TNFRSF10B: variants seen among roughly 807,000 people sequenced by gnomAD.
TNFRSF10B encodes the protein TNF receptor superfamily member 10b.
A neutral mutation model predicts 41.4 loss-of-function variants in TNFRSF10B; 35 were observed. The observed-to-expected ratio is 0.85, with a 90% CI of 0.65 to 1.12. TNFRSF10B has a LOEUF of 1.12. TNFRSF10B is among the 50% of genes most tolerant of loss of function. The probability of loss-of-function intolerance (pLI) is 0.00; values close to 1 mark genes in which losing one functional copy is unlikely to be tolerated. For synonymous variants in TNFRSF10B, 230 were observed against 215.5 expected (o/e 1.07, Z -0.59); for missense variants, 584 against 552.7 (o/e 1.06, Z -0.57).
chr8:23,030,473 C>T (rs1192462644), intron 3 of TNFRSF10B, among the ~76,000 whole-genome samples: 3 of 151,840 alleles, frequency 2.0e-5, no homozygotes, highest in Admixed American at 1.3e-4. Flanking sequence ...CCACCATGCC[C>T]GGCTAATGTT....
At position 23,068,867 on chromosome 8, in the gene TNFRSF10B, C is replaced by T. The variant is rs1372104009; in HGVS notation, c.28G>A (p.Ala10Thr). MEQRGQNAP[A>T]ASGARKRHGP... is the part of the protein sequence containing the mutation. ...TGCCTTTTCCGGGCCCCCGAAGCGG[C>T]CGGGGCGTTCTGTCCCCGTTGTTCC... The change falls in exon 1 of 9, where the codon GCC becomes ACC. Residue 10 changes from alanine to threonine, a missense_variant. Ala to Thr is a moderately conservative substitution (Grantham distance 58). Coordinates refer to ENST00000276431, the MANE Select transcript of TNFRSF10B (RefSeq NM_003842.5). The T allele has an allele frequency of 1.2e-6, 2 of 1,613,486 alleles. No homozygotes were observed. Among genetic ancestry groups the T allele is most frequent in the East Asian group, 2.2e-5 (1 of 44,874 alleles).
intron 7 of TNFRSF10B, among the ~76,000 whole-genome samples, chr8:23,025,522 T>C (rs1811676163): frequency 1.3e-5 from 2 of 152,232 alleles, no homozygotes; most frequent in South Asian, 4.1e-4. Context: ...CTGTCTAAGA[T>C]ATTAAAACAT....
At chr8:23,043,324 C>CCA in intron 1 of TNFRSF10B, 81 bp from the exon 2 acceptor site, 1 of 1,114,554 alleles carries the variant, frequency 9.0e-7, no homozygotes, top group Non-Finnish European at 1.3e-6. Context: ...CTCTTGAGCC[C>CCA]AGGCACCCAA....
chr8:23,068,665 C>T, intron 1 of TNFRSF10B, 86 bp downstream of exon 1: 2 of 1,501,100 alleles, frequency 1.3e-6, no homozygotes, highest in Non-Finnish European at 8.9e-7. Flanking sequence ...CCGGGCCACG[C>T]ACCCCCGCCG....
At chr8:23,027,522 C>T in intron 6 of TNFRSF10B, 200 bp downstream of exon 6, 5 of 802,192 alleles carry the variant, frequency 6.2e-6, no homozygotes, top group Middle Eastern at 6.3e-4. Context: ...AGGATGTCAC[C>T]TGGGCTGCAG....
At position 23,068,921 on chromosome 8, in the gene TNFRSF10B, C is replaced by T; in HGVS notation, c.-27G>A. ...GCGGTAGGGAACGCTCTTATAGTCT[C>T]TCAGGCCCGTGGGTTTCAGCCCTTA... On this transcript the variant is annotated 5_prime_UTR_variant, in exon 1 of 9. Coordinates refer to ENST00000276431, the MANE Select transcript of TNFRSF10B (RefSeq NM_003842.5). The T allele has an allele frequency of 2.5e-6, 4 of 1,613,206 alleles. No homozygotes were observed. The highest frequency in any genetic ancestry group is 3.4e-6 in the Non-Finnish European group (4 of 1,179,926).
At chr8:23,038,436 A>G (rs978243631) in intron 2 of TNFRSF10B, among the ~76,000 whole-genome samples, 1 of 152,238 alleles carries the variant, frequency 6.6e-6, no homozygotes, top group Non-Finnish European at 1.5e-5. Context: ...AAGGACTGTA[A>G]TCATTATAAG....
At chr8:23,052,285 CTTT>C (rs35496059) in intron 1 of TNFRSF10B, among the ~76,000 whole-genome samples, 4 of 129,526 alleles carry the variant, frequency 3.1e-5, no homozygotes, top group Non-Finnish European at 3.2e-5. Flanking sequence ...TAAAGGGTAA[CTTT>C]TTTTTTTTTT....
intron 1 of TNFRSF10B, among the ~76,000 whole-genome samples, chr8:23,046,304 T>C (rs1287880042): frequency 6.6e-6 from 1 of 151,858 alleles, no homozygotes; most frequent in South Asian, 2.1e-4. Context: ...TAATGAACTA[T>C]ATGAAACAGA....
chr8:23,057,008 A>G (rs529148851), intron 1 of TNFRSF10B, among the ~76,000 whole-genome samples: 20 of 151,424 alleles, frequency 1.3e-4, no homozygotes, highest in African/African-American at 4.9e-4. Context: ...AATGTCAATT[A>G]AGTCAAGGTG....
In TNFRSF10B at chr8:23,021,581, C is replaced by A. The variant is rs945780804; in HGVS notation, c.*1090G>T. On this transcript the variant is annotated 3_prime_UTR_variant, in exon 9 of 9. Transcript: ENST00000276431. ...TGATCTAACCCATCTGCCTCTGTCCCAGCCTGTCCATAGATGGGGGCTATG... is the reference window on the plus strand; with the variant it reads ...TGATCTAACCCATCTGCCTCTGTCCAAGCCTGTCCATAGATGGGGGCTATG... 2 of 454,144 alleles carry A rather than the reference C, an allele frequency of 4.4e-6. No homozygotes were observed. The highest frequency in any genetic ancestry group is 8.8e-6 in the Non-Finnish European group (2 of 226,798). The allele number at this position is 454,144 out of a possible 1,614,324, so 28.1% of individuals were successfully genotyped here. A position where few individuals can be genotyped will look rare whatever the true frequency, so the allele number is the denominator to read the frequency against.
chr8:23,043,002 A>G (rs1812250088), intron 2 of TNFRSF10B, 136 bp downstream of exon 2: 1 of 729,996 alleles, frequency 1.4e-6, no homozygotes, highest in African/African-American at 1.8e-5. Flanking sequence ...AGGCTCCAGA[A>G]GGACAGAGCC....
At chr8:23,029,807 A>C (rs1471709018) in intron 3 of TNFRSF10B, 86 bp from the exon 4 acceptor site, 27 of 1,344,904 alleles carry the variant, frequency 2.0e-5, no homozygotes, top group Non-Finnish European at 2.8e-5. Context: ...CCTGCTACTC[A>C]GCTCAACTCA....
In TNFRSF10B at chr8:23,022,115, C is replaced by T. The variant is rs1190458540; in HGVS notation, c.*556G>A. 5 of 423,416 alleles carry T rather than the reference C, an allele frequency of 1.2e-5. No homozygotes were observed. The highest frequency in any genetic ancestry group is 8.3e-5 in the Admixed American group (3 of 36,120). The allele number at this position is 423,416 out of a possible 1,614,324, so 26.2% of individuals were successfully genotyped here. A position where few individuals can be genotyped will look rare whatever the true frequency, so the allele number is the denominator to read the frequency against. ...ATCTAGACAAAATACAAAAAATTAG[C>T]CGGGCGTGGTGGTGCACACCTGTGG... On this transcript the variant is annotated 3_prime_UTR_variant, in exon 9 of 9. Coordinates refer to ENST00000276431, the MANE Select transcript of TNFRSF10B (RefSeq NM_003842.5).
intron 1 of TNFRSF10B, among the ~76,000 whole-genome samples, chr8:23,048,017 C>A (rs972401393): frequency 6.6e-6 from 1 of 152,154 alleles, no homozygotes; most frequent in African/African-American, 2.4e-5. Flanking sequence ...GAATACTATT[C>A]AGCCTTTAAA....
intron 2 of TNFRSF10B, among the ~76,000 whole-genome samples, chr8:23,042,693 T>C (rs1388929152): frequency 6.6e-6 from 1 of 152,224 alleles, no homozygotes. Context: ...GTGTGGGATC[T>C]GACCCCACGT....
At chr8:23,024,036 G>T in intron 8 of TNFRSF10B, 152 bp downstream of exon 8, 1 of 903,736 alleles carries the variant, frequency 1.1e-6, no homozygotes, top group Non-Finnish European at 1.8e-6. Flanking sequence ...GATGGGAGAA[G>T]ACAGTTTAGG....
chr8:23,023,116 G>A (rs1811590095), intron 8 of TNFRSF10B, 132 bp from the exon 9 acceptor site: 6 of 1,156,998 alleles, frequency 5.2e-6, no homozygotes, highest in African/African-American at 3.0e-5. Context: ...CCGCTCCAGT[G>A]CCCACCCGCT....
Position 23,021,616 on chromosome 8 carries a change from G to C in TNFRSF10B, c.*1055C>G. ...ATAGATGGGGGCTATGGGTGCAAAT[G>C]AGACTGCCCAGGTAGGGACCAGCCA... On this transcript the variant is annotated 3_prime_UTR_variant, in exon 9 of 9. Transcript: ENST00000276431. 1 of 454,128 alleles carries C rather than the reference G, an allele frequency of 2.2e-6. No homozygotes were observed. Among genetic ancestry groups the C allele is most frequent in the East Asian group, 6.9e-5 (1 of 14,396 alleles). 28.1% of individuals were successfully genotyped at this position (454,128 alleles called of 1,614,324 possible).
Sources: allele counts gnomAD v4.1 joint callset (sites outside exome capture counted in the v4.1 genomes callset), GRCh38; gene constraint gnomAD v4.1.1; transcripts MANE v1.5; gene names NCBI Gene and HGNC (gene_info 2026-07-23, HGNC 2026-07-21).